Variants in PTPRA observed in about 807,000 individuals in gnomAD.
PTPRA encodes the protein receptor-type tyrosine-protein phosphatase alpha.
A neutral mutation model predicts 104.8 loss-of-function variants in PTPRA; 25 were observed. The ratio of observed to expected loss-of-function variants is 0.24; its 90% CI spans 0.17 to 0.33. The LOEUF is 0.33. Ranked by LOEUF, PTPRA falls within the 10% of genes least tolerant of loss-of-function variation. The pLI, the probability that PTPRA is intolerant of heterozygous loss-of-function variation, is 1.00. For synonymous variants in PTPRA, 323 were observed against 368.9 expected, an observed-to-expected ratio of 0.88 and a Z score of 1.43; for missense variants, 765 against 1,015.3, an observed-to-expected ratio of 0.75 and a Z score of 3.35.
chr20:3,000,090 C>T (rs2063563719), intron 9 of PTPRA, among the ~76,000 whole-genome samples: 1 of 151,952 alleles, frequency 6.6e-6, no homozygotes, highest in African/African-American at 2.4e-5. Context: ...TCGAGACCAG[C>T]CTGGCCAACA....
At chr20:2,989,989 C>T (rs965937982) in intron 9 of PTPRA, among the ~76,000 whole-genome samples, 1 of 152,136 alleles carries the variant, frequency 6.6e-6, no homozygotes, top group South Asian at 2.1e-4. Context: ...TGCACTGCAG[C>T]CTGGGCAACA....
chr20:2,921,192 C>G (rs1460232174), intron 1 of PTPRA, among the ~76,000 whole-genome samples: 1 of 152,042 alleles, frequency 6.6e-6, no homozygotes, highest in African/African-American at 2.4e-5. Flanking sequence ...GCTCTGTAGT[C>G]TCTTCTAAAA....
chr20:2,911,963 C>G (rs2059738124), intron 1 of PTPRA, among the ~76,000 whole-genome samples: 1 of 152,100 alleles, frequency 6.6e-6, no homozygotes, highest in Non-Finnish European at 1.5e-5. Flanking sequence ...AATTAGAAGG[C>G]CGGGCATGGG....
At chr20:2,935,120 T>C (rs1456307059) in intron 2 of PTPRA, among the ~76,000 whole-genome samples, 3 of 152,226 alleles carry the variant, frequency 2.0e-5, no homozygotes, top group Admixed American at 2.0e-4. Context: ...TAACTGAATT[T>C]TGTGTCCTTT....
intron 9 of PTPRA, among the ~76,000 whole-genome samples, chr20:2,997,007 G>T (rs898784616): frequency 6.6e-6 from 1 of 152,046 alleles, no homozygotes; most frequent in Non-Finnish European, 1.5e-5. Flanking sequence ...TAGCAAAGAA[G>T]ATAAAAACGC....
Position 3,022,560 on chromosome 20 carries a change from C to A in PTPRA, c.1329-129C>A. 1.5e-6 allele frequency: 2 copies of A among 1,321,174 alleles called. No individual in the cohort carries two copies. The highest frequency in any genetic ancestry group is 2.1e-6 in the Non-Finnish European group (2 of 965,298). 81.8% of individuals were successfully genotyped at this position (1,321,174 alleles called of 1,614,324 possible). A position where few individuals can be genotyped will look rare whatever the true frequency, so the allele number is the denominator to read the frequency against. On this transcript the variant is annotated intron_variant, in intron 15 of 23. Transcript: ENST00000399903. This position sits in a 1 kb window ranked among gnomAD's most constrained non-coding sequence, Gnocchi z 4.6. Reference sequence around the variant, plus strand: ...CTGGAGTTGTTGGCTCCTGGAGAGCCCCAGCTCTACCCCATTCAGAATTAG... The same window carrying A: ...CTGGAGTTGTTGGCTCCTGGAGAGCACCAGCTCTACCCCATTCAGAATTAG...
chr20:2,905,841 C>T (rs1375853117), intron 1 of PTPRA, among the ~76,000 whole-genome samples: 1 of 151,942 alleles, frequency 6.6e-6, no homozygotes, highest in Non-Finnish European at 1.5e-5. Flanking sequence ...TGCGCCACCA[C>T]ACCTGGCTAC....
chr20:2,922,004 G>C (rs764585996), intron 1 of PTPRA, among the ~76,000 whole-genome samples: 1 of 152,136 alleles, frequency 6.6e-6, no homozygotes, highest in Non-Finnish European at 1.5e-5. Context: ...CAGCATCCTA[G>C]GCCTCTATCC....
chr20:2,901,749 G>A (rs528513337), intron 1 of PTPRA, among the ~76,000 whole-genome samples: 1 of 152,218 alleles, frequency 6.6e-6, no homozygotes, highest in South Asian at 2.1e-4. Context: ...TACTTCTAGA[G>A]CATACAGGAT....
At chr20:2,982,378 A>G (rs2062715221) in intron 6 of PTPRA, among the ~76,000 whole-genome samples, 1 of 151,990 alleles carries the variant, frequency 6.6e-6, no homozygotes, top group African/African-American at 2.4e-5. Flanking sequence ...TTACTTTCTT[A>G]TAATACCTGA....
intron 9 of PTPRA, among the ~76,000 whole-genome samples, chr20:2,989,890 A>T (rs754631996): frequency 6.6e-6 from 1 of 151,882 alleles, no homozygotes; most frequent in Admixed American, 6.6e-5. Flanking sequence ...GGTGGTGGGC[A>T]CCTATAGTTG....
At chr20:2,995,136 GAA>G (rs2063347825) in intron 9 of PTPRA, among the ~76,000 whole-genome samples, 1 of 152,036 alleles carries the variant, frequency 6.6e-6, no homozygotes, top group African/African-American at 2.4e-5. Context: ...TCTCAAAAAA[GAA>G]AAGAAATTTG....
chr20:3,012,568 A>AAGG (rs2064225528), intron 11 of PTPRA, among the ~76,000 whole-genome samples: 1 of 152,242 alleles, frequency 6.6e-6, no homozygotes, highest in South Asian at 2.1e-4. Flanking sequence ...GGTGAGATGG[A>AAGG]AGGAGACCAA....
intron 11 of PTPRA, among the ~76,000 whole-genome samples, chr20:3,010,869 C>T: frequency 6.6e-6 from 1 of 152,146 alleles, no homozygotes; most frequent in Non-Finnish European, 1.5e-5. Flanking sequence ...GGAATGGGCA[C>T]CTTCCAAGCC....
intron 6 of PTPRA, among the ~76,000 whole-genome samples, chr20:2,979,466 T>C (rs1381884525): frequency 6.6e-6 from 1 of 152,230 alleles, no homozygotes; most frequent in Non-Finnish European, 1.5e-5. Context: ...TCCAGGACAG[T>C]TGCTCTTTCA....
intron 1 of PTPRA, among the ~76,000 whole-genome samples, chr20:2,888,891 T>C (rs2058695837): frequency 6.6e-6 from 1 of 152,170 alleles, no homozygotes; most frequent in Admixed American, 6.5e-5. Context: ...TTATAGCAGA[T>C]TGAGATGAGA....
chr20:2,978,072 G>T (rs540880296), intron 6 of PTPRA, among the ~76,000 whole-genome samples: 1 of 152,130 alleles, frequency 6.6e-6, no homozygotes, highest in Non-Finnish European at 1.5e-5. Flanking sequence ...GGATCTGTGC[G>T]CAGTTGACAT....
chr20:2,864,897 G>A, the PTPRA span: 3 of 1,582,696 alleles, frequency 1.9e-6, no homozygotes, highest in South Asian at 2.2e-5. The surrounding 1 kb of genome is among the most constrained non-coding windows in gnomAD (Gnocchi z 5.2). Flanking sequence ...GCACAGGGAT[G>A]GGGGAGAAGA....
intron 9 of PTPRA, among the ~76,000 whole-genome samples, chr20:2,994,700 A>G (rs1468764806): frequency 1.3e-5 from 2 of 152,158 alleles, no homozygotes; most frequent in Non-Finnish European, 2.9e-5. Flanking sequence ...CTGGCTTTTC[A>G]TTATCACCTC....
Sources: gnomAD v4.1 joint callset for allele counts (sites outside exome capture counted in the v4.1 genomes callset) on GRCh38, gnomAD v4.1.1 for gene constraint, Gnocchi (gnomAD v3.1) non-coding constraint, MANE v1.5 for transcripts, NCBI Gene and HGNC (gene_info 2026-07-23, HGNC 2026-07-21) for gene names.